Variants in ADAMTS17 observed in about 807,000 individuals in gnomAD.
ADAMTS17 encodes A disintegrin and metalloproteinase with thrombospondin motifs 17.
In ADAMTS17, 113 loss-of-function variants were observed where a neutral mutation model predicts 141.5. The observed-to-expected ratio is 0.80, with a 90% CI of 0.69 to 0.93. The LOEUF (loss-of-function observed/expected upper bound fraction) is 0.93, where lower values mean the gene tolerates loss of function less well. ADAMTS17 is among the 40% of genes least tolerant of loss of function. The pLI, the probability that ADAMTS17 is intolerant of heterozygous loss-of-function variation, is 0.00. For synonymous variants in ADAMTS17, 768 were observed against 630.6 expected (o/e 1.22, Z -3.27); for missense variants, 1,659 against 1,517.9 (o/e 1.09, Z -1.54).
chr15:100,039,833 T>C (rs533205336), intron 18 of ADAMTS17, among the ~76,000 whole-genome samples: 2 of 152,356 alleles, frequency 1.3e-5, no homozygotes, highest in South Asian at 4.1e-4. Context: ...AAGTCTCCAG[T>C]TATTACTGTT....
At chr15:100,200,041 C>T (rs1266879217) in intron 7 of ADAMTS17, among the ~76,000 whole-genome samples, 8 of 152,214 alleles carry the variant, frequency 5.3e-5, no homozygotes, top group African/African-American at 2.4e-5. Context: ...GAGAGGAAGA[C>T]CCAGAGGAAG....
chr15:100,225,567 T>TCATG (rs2042272470), intron 7 of ADAMTS17, among the ~76,000 whole-genome samples: 1 of 144,200 alleles, frequency 6.9e-6, no homozygotes, highest in Non-Finnish European at 1.6e-5. Context: ...TCTGTGCCAT[T>TCATG]CAGTCCTCAC....
rs73472476 is a variant in ADAMTS17 at position 100,043,066 on chromosome 15, A to G, written c.2591+5791T>C. ...TTCAAAATCTATTATCAGATCATAC[A>G]TTTCTTTAGCCAAACAATAAATCCT... On this transcript the variant is annotated intron_variant, in intron 18 of 21. Transcript: ENST00000268070. Among the ~76,000 whole-genome samples the G allele has an allele frequency of 8.0e-3, 1,224 of 152,298 alleles. 15 individuals are homozygous for G. Among genetic ancestry groups the G allele is most frequent in the African/African-American group, 0.028 (1,166 of 41,566 alleles).
At chr15:100,310,889 C>T (rs1469683712) in intron 3 of ADAMTS17, among the ~76,000 whole-genome samples, 1 of 152,216 alleles carries the variant, frequency 6.6e-6, no homozygotes, top group Non-Finnish European at 1.5e-5. Context: ...AATTCTCTGT[C>T]TGGTCGTGCA....
chr15:100,255,218 G>C (rs1174595518), intron 6 of ADAMTS17, among the ~76,000 whole-genome samples: 3 of 152,110 alleles, frequency 2.0e-5, no homozygotes, highest in African/African-American at 7.2e-5. Context: ...TTCTTTATAA[G>C]TTTCCATGGT....
At chr15:100,244,314 T>C (rs1389203721) in intron 7 of ADAMTS17, among the ~76,000 whole-genome samples, 1 of 142,032 alleles carries the variant, frequency 7.0e-6, no homozygotes, top group African/African-American at 2.6e-5. Context: ...ACCGTATCAG[T>C]AAGTCACTCA....
chr15:100,281,765 T>A (rs112628209), intron 3 of ADAMTS17, among the ~76,000 whole-genome samples: 94 of 151,894 alleles, frequency 6.2e-4, no homozygotes, highest in African/African-American at 1.9e-3. Context: ...CGGGCAGGGG[T>A]CTGAAAGGCC....
intron 15 of ADAMTS17, among the ~76,000 whole-genome samples, chr15:100,055,219 T>C (rs890665649): frequency 6.6e-6 from 1 of 152,172 alleles, no homozygotes; most frequent in African/African-American, 2.4e-5. Context: ...TCCATATCAA[T>C]GAAATCAGAT....
chr15:100,085,870 T>C (rs1443766925), intron 15 of ADAMTS17, among the ~76,000 whole-genome samples: 1 of 151,988 alleles, frequency 6.6e-6, no homozygotes, highest in African/African-American at 2.4e-5. Context: ...AAGGAACAAC[T>C]GGTAACAGCC....
chr15:99,973,115 A>G lies in ADAMTS17; in HGVS notation c.*1287T>C, dbSNP rs1252958582. ...GCTACCATCCTCTGTGCTCTCAAAG[A>G]GGCCACTCTGCTTGTCTGCTGCCAG... On this transcript the variant is annotated 3_prime_UTR_variant, in exon 22 of 22. Coordinates refer to ENST00000268070, the MANE Select transcript of ADAMTS17 (RefSeq NM_139057.4). 2 of 151,930 alleles carry G rather than the reference A, an allele frequency of 1.3e-5. No homozygotes were observed. The highest frequency in any genetic ancestry group is 1.3e-4 in the Admixed American group (2 of 15,240). 9.4% of individuals were successfully genotyped at this position (151,930 alleles called of 1,614,324 possible). A position where few individuals can be genotyped will look rare whatever the true frequency, so the allele number is the denominator to read the frequency against.
At chr15:100,189,359 C>T (rs1368376289) in intron 8 of ADAMTS17, among the ~76,000 whole-genome samples, 1 of 152,182 alleles carries the variant, frequency 6.6e-6, no homozygotes, top group Non-Finnish European at 1.5e-5. Flanking sequence ...CGAGTGTGGA[C>T]CAAGCAGCTG....
At chr15:100,013,359 A>G (rs143554807) in intron 18 of ADAMTS17, among the ~76,000 whole-genome samples, 2,352 of 152,242 alleles carry the variant, frequency 0.015, 57 homozygotes, top group African/African-American at 0.052. Flanking sequence ...CTCTTTACCA[A>G]TTTGGATGCC....
intron 18 of ADAMTS17, among the ~76,000 whole-genome samples, chr15:99,999,158 T>A (rs913489333): frequency 2.0e-5 from 3 of 152,166 alleles, no homozygotes; most frequent in African/African-American, 7.2e-5. Flanking sequence ...ACCTTCTAGG[T>A]TCTGATGAGG....
chr15:100,031,968 CAG>C, intron 18 of ADAMTS17, among the ~76,000 whole-genome samples: 1 of 152,308 alleles, frequency 6.6e-6, no homozygotes, highest in East Asian at 1.9e-4. Context: ...ACTAAAGAAA[CAG>C]AGTCACACAG....
At chr15:100,105,810 C>G (rs1227143521) in intron 14 of ADAMTS17, among the ~76,000 whole-genome samples, 1 of 152,052 alleles carries the variant, frequency 6.6e-6, no homozygotes, top group African/African-American at 2.4e-5. Flanking sequence ...GCTTTAGCCT[C>G]CTGAGTAGCT....
chr15:100,214,748 T>A (rs867209895), intron 7 of ADAMTS17, among the ~76,000 whole-genome samples: 1 of 152,330 alleles, frequency 6.6e-6, no homozygotes, highest in Middle Eastern at 3.4e-3. Context: ...GAGGCTGAAA[T>A]CATTTCTTAA....
intron 10 of ADAMTS17, among the ~76,000 whole-genome samples, chr15:100,151,083 G>A (rs1053121833): frequency 2.6e-5 from 4 of 152,176 alleles, no homozygotes; most frequent in Non-Finnish European, 5.9e-5. Flanking sequence ...ACATCCTAGG[G>A]CTCATCACAT....
At chr15:99,998,184 A>C (rs1001608685) in intron 18 of ADAMTS17, among the ~76,000 whole-genome samples, 1 of 152,164 alleles carries the variant, frequency 6.6e-6, no homozygotes, top group Non-Finnish European at 1.5e-5. Context: ...GATTAACCAG[A>C]ACTAGGCCCT....
At chr15:100,114,226 G>T (rs1286167214) in intron 13 of ADAMTS17, among the ~76,000 whole-genome samples, 1 of 147,660 alleles carries the variant, frequency 6.8e-6, no homozygotes, top group African/African-American at 2.5e-5. Flanking sequence ...CCCTTCTTTT[G>T]AACTGTGCGT....
Sources: gnomAD v4.1 joint callset for allele counts (sites outside exome capture counted in the v4.1 genomes callset) on GRCh38, gnomAD v4.1.1 for gene constraint, MANE v1.5 for transcripts, NCBI Gene and HGNC (gene_info 2026-07-23, HGNC 2026-07-21) for gene names.